YWHAB: variants seen among roughly 807,000 people sequenced by gnomAD.
YWHAB encodes the protein 14-3-3 protein beta/alpha.
YWHAB carries 2 observed loss-of-function variants against 28.5 expected under a neutral mutation model. The ratio of observed to expected loss-of-function variants is 0.07; its 90% CI spans 0.03 to 0.22. YWHAB has a LOEUF of 0.22. Ranked by LOEUF, YWHAB falls within the 10% of genes least tolerant of loss-of-function variation. The pLI is 1.00. For synonymous variants in YWHAB, 103 were observed against 104.7 expected (o/e 0.98, Z 0.10); for missense variants, 148 against 297.1 (o/e 0.50, Z 3.69).
intron 1 of YWHAB, among the ~76,000 whole-genome samples, chr20:44,896,139 G>A (rs1198090915): frequency 1.3e-5 from 2 of 152,200 alleles, no homozygotes; most frequent in Non-Finnish European, 2.9e-5. Context: ...CCGTCCCATA[G>A]GAATAGAATA....
intron 1 of YWHAB, among the ~76,000 whole-genome samples, chr20:44,888,822 C>T (rs766783717): frequency 2.0e-5 from 3 of 152,124 alleles, no homozygotes; most frequent in Non-Finnish European, 2.9e-5. Context: ...ATTTTAGGTT[C>T]TTCATCTAAT....
intron 1 of YWHAB, among the ~76,000 whole-genome samples, chr20:44,894,375 T>A (rs1346415521): frequency 6.6e-6 from 1 of 152,254 alleles, no homozygotes; most frequent in Non-Finnish European, 1.5e-5. Context: ...AGTATCTTGC[T>A]GACTTTTTTT....
rs6130711 is a variant in YWHAB, at chr20:44,898,366, C to T, written c.-3-3165C>T. 2.6e-4 allele frequency among the ~76,000 whole-genome samples: 39 copies of T among 152,250 alleles called. 1 individual carries two copies. The South Asian group carries it at 7.9e-3, about 31-fold the overall frequency. On this transcript the variant is annotated intron_variant, in intron 1 of 5. Coordinates refer to ENST00000353703, the MANE Select transcript of YWHAB (RefSeq NM_139323.4). ...GGAGAATCAATTCTTTCTGAATCACCTAGATTTTGAGTGTATCTTATTGTG... is the reference window on the plus strand; with the variant it reads ...GGAGAATCAATTCTTTCTGAATCACTTAGATTTTGAGTGTATCTTATTGTG...
chr20:44,893,577 T>G (rs1268638924), intron 1 of YWHAB, among the ~76,000 whole-genome samples: 2 of 152,104 alleles, frequency 1.3e-5, no homozygotes, highest in Non-Finnish European at 2.9e-5. Flanking sequence ...AAATAAAATA[T>G]TGTGCAGCCT....
chr20:44,900,812 G>A (rs567547493), intron 1 of YWHAB, among the ~76,000 whole-genome samples: 1 of 152,230 alleles, frequency 6.6e-6, no homozygotes, highest in Non-Finnish European at 1.5e-5. Flanking sequence ...GTCTCACTCT[G>A]TTGCCCACGC....
At chr20:44,893,694 C>CTTTTTTTTTTTTTTTTT (rs3091859) in intron 1 of YWHAB, among the ~76,000 whole-genome samples, 3 of 103,792 alleles carry the variant, frequency 2.9e-5, no homozygotes, top group Non-Finnish European at 5.5e-5. Flanking sequence ...CCTCCCCTGC[C>CTTTTTTTTTTTTTTTTT]TTTTTTTTTT....
intron 3 of YWHAB, 29 bp downstream of exon 3, chr20:44,904,145 A>G: frequency 6.2e-7 from 1 of 1,610,600 alleles, no homozygotes; most frequent in Non-Finnish European, 8.5e-7. Flanking sequence ...AAGAAATTCG[A>G]CCAGTAATGG....
At chr20:44,891,344 G>A (rs941715427) in intron 1 of YWHAB, among the ~76,000 whole-genome samples, 1 of 151,996 alleles carries the variant, frequency 6.6e-6, no homozygotes, top group African/African-American at 2.4e-5. Context: ...GACCTCAAGT[G>A]ATCACCCTCC....
intron 2 of YWHAB, chr20:44,903,256 GCTATACCCTAGAAGATGA>G (rs1450385542): frequency 4.5e-6 from 1 of 220,532 alleles, no homozygotes; most frequent in Admixed American, 6.5e-5. Context: ...CTAGAAGATG[GCTATACCCTAGAAGATGA>G]CCCTTCGTAT....
intron 1 of YWHAB, among the ~76,000 whole-genome samples, chr20:44,900,820 C>G (rs2425674): frequency 0.6 from 91,443 of 151,946 alleles, 28,121 homozygotes; most frequent in African/African-American, 0.72. Context: ...CTGTTGCCCA[C>G]GCTGGAGTCC....
In YWHAB at chr20:44,891,264, C is replaced by T. The variant is rs114749544; in HGVS notation, c.-4+5378C>T. On this transcript the variant is annotated intron_variant, in intron 1 of 5. Transcript: ENST00000353703. ...GATTACAGGCGCCTGCCACTATACC[C>T]GGCTAATTTTTTTATATATTTAGTA... 8.5e-3 allele frequency among the ~76,000 whole-genome samples: 1,301 copies of T among 152,220 alleles called. 17 individuals are homozygous for T. The highest frequency in any genetic ancestry group is 0.029 in the African/African-American group (1,203 of 41,512).
At position 44,894,888 on chromosome 20, in the gene YWHAB, G is replaced by C. The variant is rs545251562; in HGVS notation, c.-3-6643G>C. On this transcript the variant is annotated intron_variant, in intron 1 of 5. Coordinates refer to ENST00000353703, the MANE Select transcript of YWHAB (RefSeq NM_139323.4). ...CGACTATACTACATATAGGTACTCT[G>C]TGTTCCTTGTGCTCTCCCAATAATG... is the stretch of plus-strand genomic sequence containing the variant. 3.3e-5 allele frequency among the ~76,000 whole-genome samples: 5 copies of C among 152,342 alleles called. No homozygotes were observed. The South Asian group carries it at 8.3e-4, about 25-fold the overall frequency.
rs2066520932 is a variant in YWHAB at position 44,885,726 on chromosome 20, G to A, written c.-164G>A. ...GAGCGGAAGTGGAGCTACCGCCACC[G>A]CCGCCGCCGATTCCGGAGCCGGGGT... On this transcript the variant is annotated 5_prime_UTR_variant, in exon 1 of 6. Coordinates refer to ENST00000353703, the MANE Select transcript of YWHAB (RefSeq NM_139323.4). The A allele has an allele frequency of 5.7e-6, 1 of 175,162 alleles. No individual in the cohort carries two copies. The highest frequency in any genetic ancestry group is 1.1e-4 in the South Asian group (1 of 9,036). 10.9% of individuals were successfully genotyped at this position (175,162 alleles called of 1,614,324 possible).
chr20:44,906,168 A>G (rs770559888), intron 5 of YWHAB, 72 bp downstream of exon 5: 1 of 1,326,198 alleles, frequency 7.5e-7, no homozygotes, highest in South Asian at 1.2e-5. Context: ...GTTATCTTCA[A>G]GAGGGGATTT....
intron 1 of YWHAB, among the ~76,000 whole-genome samples, chr20:44,894,781 T>G (rs2066585844): frequency 6.6e-6 from 1 of 152,232 alleles, no homozygotes; most frequent in African/African-American, 2.4e-5. Flanking sequence ...CTTCATTTTA[T>G]GGATTGGAAG....
intron 1 of YWHAB, among the ~76,000 whole-genome samples, chr20:44,893,728 C>T (rs1195733288): frequency 3.8e-5 from 4 of 106,322 alleles, no homozygotes; most frequent in Admixed American, 1.2e-4. Flanking sequence ...GACGGAGTTT[C>T]GCTCTTGTCG....
At position 44,901,743 on chromosome 20, in the gene YWHAB, A is replaced by G; in HGVS notation, c.210A>G (p.Lys70=). Residue 70 remains lysine (K), a synonymous_variant, in exon 2 of 6, where the codon AAA becomes AAG. Coordinates refer to ENST00000353703, the MANE Select transcript of YWHAB (RefSeq NM_139323.4). ...SWRVISSIEQ[K]TERNEKKQQM... ...GTGTCATCTCCAGCATTGAGCAGAA[A>G]ACAGAGAGGAATGAGAAGAAGCAGC... 6.2e-7 allele frequency: 1 copy of G among 1,614,080 alleles called. No homozygotes were observed. The highest frequency in any genetic ancestry group is 2.2e-5 in the East Asian group (1 of 44,886).
intron 1 of YWHAB, among the ~76,000 whole-genome samples, chr20:44,893,170 T>G (rs2066573722): frequency 6.6e-6 from 1 of 152,210 alleles, no homozygotes; most frequent in South Asian, 2.1e-4. Context: ...GGAAATAACT[T>G]CTCAGTATTT....
intron 1 of YWHAB, among the ~76,000 whole-genome samples, chr20:44,889,432 G>A (rs1423281152): frequency 6.6e-6 from 1 of 151,460 alleles, no homozygotes; most frequent in East Asian, 1.9e-4. Context: ...GTGGCCTCAA[G>A]TCATTCCTAG....
Sources: allele counts gnomAD v4.1 joint callset (sites outside exome capture counted in the v4.1 genomes callset), GRCh38; gene constraint gnomAD v4.1.1; transcripts MANE v1.5; gene names NCBI Gene and HGNC (gene_info 2026-07-23, HGNC 2026-07-21).